KCNC1: variants seen among roughly 807,000 people sequenced by gnomAD.
KCNC1 encodes the protein voltage-gated potassium channel KCNC1.
Under a neutral mutation model 43.4 loss-of-function variants are expected in KCNC1, and 8 were observed. That is an observed-to-expected ratio of 0.18 (90% CI 0.11 to 0.33). The LOEUF (loss-of-function observed/expected upper bound fraction) is 0.33. Ranked by LOEUF, KCNC1 falls within the 10% of genes least tolerant of loss-of-function variation. The pLI is 1.00. For missense variants in KCNC1, 420 were observed against 836.0 expected (o/e 0.50, Z 6.14); for synonymous variants, 361 against 360.5 (o/e 1.00, Z -0.01).
At position 17,773,619 on chromosome 11, in the gene KCNC1, C is replaced by T. The variant is rs536588487; in HGVS notation, c.1504+1021C>T. 1.4e-4 allele frequency: 139 copies of T among 985,336 alleles called. No homozygotes were observed. Among genetic ancestry groups the T allele is most frequent in the Non-Finnish European group, 1.6e-4 (132 of 829,916 alleles). The allele number at this position is 985,336 out of a possible 1,614,324, so 61.0% of individuals were successfully genotyped here. ...CACCGTGGGATATATTCTAATATTC[C>T]ATGGCTAGTGGTTTGTTATGGGACT... is the stretch of plus-strand genomic sequence containing the variant. On this transcript the variant is annotated intron_variant, in intron 2 of 3. Coordinates refer to ENST00000265969, the MANE Select transcript of KCNC1 (RefSeq NM_001112741.2). This position sits in a 1 kb window ranked among gnomAD's most constrained non-coding sequence, Gnocchi z 4.1.
intron 1 of KCNC1, among the ~76,000 whole-genome samples, chr11:17,756,017 A>G (rs931094728): frequency 2.0e-5 from 3 of 152,158 alleles, no homozygotes; most frequent in African/African-American, 7.2e-5. Context: ...TCCAGAGGCT[A>G]TGCGGTCCCA....
chr11:17,748,821 G>A (rs1848931920), intron 1 of KCNC1, among the ~76,000 whole-genome samples: 1 of 152,146 alleles, frequency 6.6e-6, no homozygotes, highest in South Asian at 2.1e-4. Context: ...CGTGGAGGGG[G>A]CTCCTGCTTC....
chr11:17,765,732 G>C (rs1849141888), intron 1 of KCNC1: 1 of 152,256 alleles, frequency 6.6e-6, no homozygotes, highest in South Asian at 2.1e-4. Context: ...GCCATGGCCA[G>C]CCTGGGTGAC....
intron 2 of KCNC1, chr11:17,774,819 T>C: frequency 1.0e-6 from 1 of 985,400 alleles, no homozygotes; most frequent in Middle Eastern, 5.2e-4. Flanking sequence ...CCCAAGCCCT[T>C]CCCAAGCACT....
At position 17,779,544 on chromosome 11, in the gene KCNC1, C is replaced by T. The variant is rs931524615; in HGVS notation, c.1593C>T (p.Gly531=). The change falls in exon 3 of 4, where the codon GGC becomes GGT. Residue 531 remains glycine (G), a synonymous_variant. Coordinates refer to ENST00000265969, the MANE Select transcript of KCNC1 (RefSeq NM_001112741.2). The surrounding 1 kb of genome is among the most constrained non-coding windows in gnomAD (Gnocchi z 7.2). ...HIDQALTPDE[G]LPFTRSGTRE... The stretch of plus-strand genomic sequence containing the variant: ...ACCAGGCCCTCACTCCCGATGAGGG[C>T]CTGCCCTTTACGCGCTCGGGCACCC... 6.4e-7 allele frequency: 1 copy of T among 1,551,440 alleles called. No homozygotes were observed. Among genetic ancestry groups the T allele is most frequent in the Non-Finnish European group, 8.7e-7 (1 of 1,146,966 alleles).
Position 17,781,750 on chromosome 11 carries a change from G to A in KCNC1, c.*16G>A, listed in dbSNP as rs756710332. The A allele has an allele frequency of 1.2e-5, 19 of 1,541,162 alleles. No homozygotes were observed. The highest frequency in any genetic ancestry group is 1.6e-5 in the Non-Finnish European group (18 of 1,137,398). ...AGTGACTTGACCAGGCGGCTTGGCC[G>A]AGGACACTGGTGGCTATTAAGCATC... On this transcript the variant is annotated 3_prime_UTR_variant, in exon 4 of 4. Coordinates refer to ENST00000265969, the MANE Select transcript of KCNC1 (RefSeq NM_001112741.2). This position sits in a 1 kb window ranked among gnomAD's most constrained non-coding sequence, Gnocchi z 5.1.
intron 2 of KCNC1, chr11:17,775,118 C>A: frequency 8.1e-6 from 8 of 985,590 alleles, no homozygotes; most frequent in Non-Finnish European, 8.4e-6. Flanking sequence ...AATGTGGTGG[C>A]CCCACAGGAA....
rs7924746 is a variant in KCNC1, at chr11:17,771,443, T to C, written c.571-222T>C. 0.072 allele frequency among the ~76,000 whole-genome samples: 10,957 copies of C among 152,202 alleles called. 1,113 individuals are homozygous for C. The highest frequency in any genetic ancestry group is 0.23 in the African/African-American group (9,505 of 41,502). ...TGGGGCTTCCACATCTAGCTGGCAATAGGGGGAAGAAGACAGCATGGAAGG... is the reference window on the plus strand; with the variant it reads ...TGGGGCTTCCACATCTAGCTGGCAACAGGGGGAAGAAGACAGCATGGAAGG... On this transcript the variant is annotated intron_variant, in intron 1 of 3. Coordinates refer to ENST00000265969, the MANE Select transcript of KCNC1 (RefSeq NM_001112741.2). This position sits in a 1 kb window ranked among gnomAD's most constrained non-coding sequence, Gnocchi z 4.7.
chr11:17,752,744 T>C (rs551959556), intron 1 of KCNC1, among the ~76,000 whole-genome samples: 3 of 152,220 alleles, frequency 2.0e-5, no homozygotes, highest in Non-Finnish European at 4.4e-5. Context: ...CTCAGTTTCC[T>C]TCTTTATAAA....
At chr11:17,755,589 C>T (rs1350047594) in intron 1 of KCNC1, among the ~76,000 whole-genome samples, 5 of 150,904 alleles carry the variant, frequency 3.3e-5, no homozygotes, top group African/African-American at 4.9e-5. Flanking sequence ...TGAGATGTGA[C>T]AGAAAGAGAT....
intron 1 of KCNC1, among the ~76,000 whole-genome samples, chr11:17,750,970 G>A (rs916958979): frequency 4.6e-5 from 7 of 152,214 alleles, no homozygotes; most frequent in African/African-American, 1.7e-4. Context: ...GTCAGGTTAG[G>A]CAATAGTAGT....
chr11:17,743,816 T>C (rs1466793051), intron 1 of KCNC1, among the ~76,000 whole-genome samples: 1 of 152,214 alleles, frequency 6.6e-6, no homozygotes, highest in South Asian at 2.1e-4. Context: ...CCCTGCTTTT[T>C]GCTGAACGTG....
chr11:17,755,889 T>G (rs917905319), intron 1 of KCNC1, among the ~76,000 whole-genome samples: 7 of 151,990 alleles, frequency 4.6e-5, no homozygotes, highest in Non-Finnish European at 8.8e-5. Context: ...CCACTAAGGA[T>G]GTGAGTGTAG....
chr11:17,746,293 C>T (rs185058748), intron 1 of KCNC1, among the ~76,000 whole-genome samples: 1 of 152,348 alleles, frequency 6.6e-6, no homozygotes, highest in Admixed American at 6.5e-5. Context: ...CCAGATGAAG[C>T]TCTTCACAGC....
At chr11:17,741,463 C>T (rs1395177940) in intron 1 of KCNC1, among the ~76,000 whole-genome samples, 1 of 152,092 alleles carries the variant, frequency 6.6e-6, no homozygotes, top group Non-Finnish European at 1.5e-5. Flanking sequence ...TGTAGACTCT[C>T]TCGTCTCCCT....
intron 1 of KCNC1, chr11:17,765,658 G>A (rs1395031957): frequency 6.6e-6 from 1 of 152,196 alleles, no homozygotes; most frequent in Non-Finnish European, 1.5e-5. Flanking sequence ...TACCAGTTTG[G>A]GTTTATGCCG....
At chr11:17,770,883 T>TG (rs1453353016) in intron 1 of KCNC1, among the ~76,000 whole-genome samples, 3 of 152,162 alleles carry the variant, frequency 2.0e-5, no homozygotes, top group African/African-American at 7.2e-5. Flanking sequence ...TGGGGATCCC[T>TG]GGTGCAATTC....
chr11:17,775,511 G>A (rs1849275372), intron 2 of KCNC1: 1 of 985,388 alleles, frequency 1.0e-6, no homozygotes, highest in Admixed American at 6.1e-5. Flanking sequence ...GATGCTAGGA[G>A]GGCGCCCTGG....
chr11:17,758,681 C>G (rs915789076), intron 1 of KCNC1, among the ~76,000 whole-genome samples: 13 of 152,278 alleles, frequency 8.5e-5, no homozygotes, highest in Admixed American at 4.6e-4. Context: ...TCTTGGGTGA[C>G]CAGGTGCATT....
Sources: allele counts gnomAD v4.1 joint callset (sites outside exome capture counted in the v4.1 genomes callset), GRCh38; gene constraint gnomAD v4.1.1; non-coding constraint Gnocchi (gnomAD v3.1); transcripts MANE v1.5; gene names NCBI Gene and HGNC (gene_info 2026-07-23, HGNC 2026-07-21).